Variants in CACNA2D3 observed in about 807,000 individuals in gnomAD.
CACNA2D3 encodes the protein calcium voltage-gated channel auxiliary subunit alpha2delta 3.
A neutral mutation model predicts 160.6 loss-of-function variants in CACNA2D3; 60 were observed. The observed-to-expected ratio is 0.37, with a 90% CI of 0.30 to 0.46. The LOEUF is 0.46. Among genes scored for constraint, CACNA2D3 ranks in the 20% least tolerant of loss-of-function variants. The probability of loss-of-function intolerance (pLI) is 1.00; values close to 1 mark genes in which losing one functional copy is unlikely to be tolerated. For synonymous variants in CACNA2D3, 558 were observed against 492.9 expected, an observed-to-expected ratio of 1.13 and a Z score of -1.75; for missense variants, 1,205 against 1,365.0, an observed-to-expected ratio of 0.88 and a Z score of 1.85.
chr3:55,068,070 A>T (rs1704706008), intron 35 of CACNA2D3, among the ~76,000 whole-genome samples: 1 of 151,716 alleles, frequency 6.6e-6, no homozygotes, highest in Non-Finnish European at 1.5e-5. Flanking sequence ...TCTGTCTCCC[A>T]CTGATGGTGT....
intron 8 of CACNA2D3, among the ~76,000 whole-genome samples, chr3:54,577,732 C>A (rs1702609499): frequency 6.6e-6 from 1 of 152,192 alleles, no homozygotes. Flanking sequence ...TCACAGTGAG[C>A]TCATGAAAGA....
At chr3:54,401,171 G>C (rs1002767910) in intron 4 of CACNA2D3, among the ~76,000 whole-genome samples, 1 of 151,912 alleles carries the variant, frequency 6.6e-6, no homozygotes, top group African/African-American at 2.4e-5. Flanking sequence ...TTGATGATAG[G>C]TCTTTTGAAA....
chr3:54,750,431 A>G (rs555682466), intron 11 of CACNA2D3, among the ~76,000 whole-genome samples: 6 of 152,306 alleles, frequency 3.9e-5, no homozygotes, highest in African/African-American at 1.4e-4. Context: ...ATGAGAAAGC[A>G]TGGGTCTGGT....
chr3:54,478,334 C>T (rs1344662803), intron 4 of CACNA2D3, among the ~76,000 whole-genome samples: 2 of 151,918 alleles, frequency 1.3e-5, no homozygotes, highest in Non-Finnish European at 2.9e-5. Context: ...AGAAATAATT[C>T]ATAAGTTTAA....
At chr3:54,751,904 A>C (rs567837825) in intron 11 of CACNA2D3, among the ~76,000 whole-genome samples, 108 of 152,258 alleles carry the variant, frequency 7.1e-4, no homozygotes, top group Non-Finnish European at 1.4e-3. Flanking sequence ...CTTCCATTTA[A>C]CCTTAAGTAC....
chr3:54,559,249 T>A (rs1702286758), intron 5 of CACNA2D3, among the ~76,000 whole-genome samples: 1 of 152,172 alleles, frequency 6.6e-6, no homozygotes, highest in South Asian at 2.1e-4. Flanking sequence ...AATACTTGTT[T>A]ATTCTCCTTC....
chr3:54,263,931 T>A (rs1466561327), intron 2 of CACNA2D3, among the ~76,000 whole-genome samples: 1 of 152,222 alleles, frequency 6.6e-6, no homozygotes, highest in Non-Finnish European at 1.5e-5. Flanking sequence ...TAGATGACAT[T>A]TGTTAAACTT....
intron 11 of CACNA2D3, among the ~76,000 whole-genome samples, chr3:54,724,484 T>A (rs979548233): frequency 3.3e-5 from 5 of 152,126 alleles, no homozygotes; most frequent in African/African-American, 1.2e-4. Flanking sequence ...AGCGCCTCAC[T>A]GCACTTATTC....
intron 5 of CACNA2D3, among the ~76,000 whole-genome samples, chr3:54,557,693 G>A (rs1702261401): frequency 1.3e-5 from 2 of 152,088 alleles, no homozygotes; most frequent in African/African-American, 4.8e-5. Flanking sequence ...TAATTTAAGC[G>A]GGTTTTGCCG....
intron 14 of CACNA2D3, among the ~76,000 whole-genome samples, chr3:54,821,955 A>G (rs898226259): frequency 6.6e-6 from 1 of 152,132 alleles, no homozygotes; most frequent in East Asian, 1.9e-4. Flanking sequence ...CTGCAGGTCT[A>G]GTGATTTCAG....
intron 4 of CACNA2D3, among the ~76,000 whole-genome samples, chr3:54,462,072 T>C (rs1700515864): frequency 6.6e-6 from 1 of 152,140 alleles, no homozygotes; most frequent in Non-Finnish European, 1.5e-5. Flanking sequence ...TCAGTTTCCA[T>C]GTAGTTGAGT....
At chr3:54,679,350 G>T (rs1454798293) in intron 11 of CACNA2D3, among the ~76,000 whole-genome samples, 1 of 152,136 alleles carries the variant, frequency 6.6e-6, no homozygotes, top group Non-Finnish European at 1.5e-5. Flanking sequence ...CTACTCAAAA[G>T]CATCCTTTTC....
At chr3:55,069,847 A>G (rs1374467914) in intron 35 of CACNA2D3, among the ~76,000 whole-genome samples, 7 of 152,224 alleles carry the variant, frequency 4.6e-5, no homozygotes, top group Non-Finnish European at 7.3e-5. Flanking sequence ...TTACAATGCT[A>G]TACATAATGG....
chr3:54,274,759 C>A (rs6766834), intron 2 of CACNA2D3, among the ~76,000 whole-genome samples: 2 of 152,036 alleles, frequency 1.3e-5, no homozygotes, highest in African/African-American at 2.4e-5. Context: ...CATCCAGGCT[C>A]ACGCATGGTC....
chr3:54,131,750 AG>A (rs1699712983), intron 2 of CACNA2D3, among the ~76,000 whole-genome samples: 1 of 150,222 alleles, frequency 6.7e-6, no homozygotes, highest in Admixed American at 6.6e-5. Context: ...GTCCCTAGGG[AG>A]GTGGATTTTT....
chr3:54,648,077 C>G (rs905199296), intron 11 of CACNA2D3, among the ~76,000 whole-genome samples: 2 of 152,086 alleles, frequency 1.3e-5, no homozygotes, highest in African/African-American at 4.8e-5. Flanking sequence ...TTATCATTAC[C>G]TCCCCCTTGT....
At chr3:54,286,936 A>C (rs537377713) in intron 2 of CACNA2D3, among the ~76,000 whole-genome samples, 2 of 152,228 alleles carry the variant, frequency 1.3e-5, no homozygotes, top group African/African-American at 2.4e-5. Flanking sequence ...AGCACTAAAC[A>C]TGGAAAGGAA....
chr3:54,614,960 T>TA (rs2106794199), intron 9 of CACNA2D3, among the ~76,000 whole-genome samples: 1 of 152,298 alleles, frequency 6.6e-6, no homozygotes, highest in East Asian at 1.9e-4. Flanking sequence ...TTGATGATAC[T>TA]AAAAAAGAAA....
intron 34 of CACNA2D3, among the ~76,000 whole-genome samples, chr3:55,010,813 C>G (rs1271484554): frequency 6.6e-6 from 1 of 152,182 alleles, no homozygotes; most frequent in Non-Finnish European, 1.5e-5. Flanking sequence ...TTGCTCCTGC[C>G]CCAGTCAGCT....
Sources: gnomAD v4.1 joint callset for allele counts (sites outside exome capture counted in the v4.1 genomes callset) on GRCh38, gnomAD v4.1.1 for gene constraint, MANE v1.5 for transcripts, NCBI Gene and HGNC (gene_info 2026-07-23, HGNC 2026-07-21) for gene names.